The following MYOCOS variants were observed in gnomAD, a reference collection of about 807,000 sequenced individuals.
MYOCOS encodes myocilin opposite strand.
intron 1 of MYOCOS, among the ~76,000 whole-genome samples, chr1:171,605,191 C>T (rs573796918): frequency 3.3e-5 from 5 of 151,862 alleles, no homozygotes; most frequent in South Asian, 2.1e-4. Context: ...ATAAGAAGCC[C>T]GAGAATTAGT....
chr1:171,626,328 CA>C (rs1477542532), intron 2 of MYOCOS, 125 bp from the exon 3 acceptor site: 1 of 387,878 alleles, frequency 2.6e-6, no homozygotes, highest in East Asian at 3.7e-5. Context: ...GTGATCCTTC[CA>C]CCTCAGCCTC....
intron 1 of MYOCOS, among the ~76,000 whole-genome samples, chr1:171,612,855 C>CA (rs1036790025): frequency 4.6e-5 from 7 of 151,954 alleles, no homozygotes; most frequent in Non-Finnish European, 1.0e-4. Flanking sequence ...AAAACAACAA[C>CA]AAAAAACCTA....
At chr1:171,615,922 T>G (rs554704864) in intron 2 of MYOCOS, among the ~76,000 whole-genome samples, 1 of 152,076 alleles carries the variant, frequency 6.6e-6, no homozygotes, top group African/African-American at 2.4e-5. Flanking sequence ...GGGTTGCCAT[T>G]AACAGAAATG....
intron 1 of MYOCOS, among the ~76,000 whole-genome samples, chr1:171,611,893 T>G (rs1034182741): frequency 4.6e-5 from 7 of 152,094 alleles, no homozygotes; most frequent in Admixed American, 2.6e-4. Flanking sequence ...GACTGATGGG[T>G]AAACTGACAT....
chr1:171,604,696 T>G (rs2102931819), intron 1 of MYOCOS, among the ~76,000 whole-genome samples: 1 of 152,306 alleles, frequency 6.6e-6, no homozygotes, highest in Admixed American at 6.5e-5. Flanking sequence ...AGGATGCGGT[T>G]CTCTAGATTA....
upstream of MYOCOS, among the ~76,000 whole-genome samples, chr1:171,617,672 G>A (rs946238087): frequency 3.9e-5 from 6 of 152,200 alleles, no homozygotes; most frequent in African/African-American, 1.4e-4. Flanking sequence ...AGTGAATATA[G>A]ACAAATCTTT....
At chr1:171,600,927 C>A (rs985106670) in exon 1 of MYOCOS, 4 of 152,248 alleles carry the variant, frequency 2.6e-5, no homozygotes, top group African/African-American at 9.6e-5. Context: ...TGCTACATTT[C>A]TTGGTTCCCT....
chr1:171,619,596 C>T (rs1652516874), upstream of MYOCOS, among the ~76,000 whole-genome samples: 1 of 152,190 alleles, frequency 6.6e-6, no homozygotes, highest in South Asian at 2.1e-4. Context: ...TGCTTGTAAT[C>T]CCAACATTTT....
At chr1:171,607,556 A>G (rs994249190) in intron 1 of MYOCOS, among the ~76,000 whole-genome samples, 10 of 151,944 alleles carry the variant, frequency 6.6e-5, no homozygotes, top group African/African-American at 2.4e-4. Flanking sequence ...GTGGTTCTCT[A>G]AAAAAAACGA....
chr1:171,618,716 C>G (rs902832778), upstream of MYOCOS, among the ~76,000 whole-genome samples: 4 of 152,176 alleles, frequency 2.6e-5, no homozygotes, highest in Non-Finnish European at 4.4e-5. Context: ...GCTGGGATTA[C>G]AGGTGTGGGC....
chr1:171,608,504 G>A (rs760588241), intron 1 of MYOCOS, among the ~76,000 whole-genome samples: 7 of 128,520 alleles, frequency 5.4e-5, no homozygotes, highest in South Asian at 2.8e-4. Flanking sequence ...TGCAAGCTCC[G>A]CCTCCCGAGT....
chr1:171,626,282 A>C (rs1340989956), intron 2 of MYOCOS, among the ~76,000 whole-genome samples, 172 bp from the exon 3 acceptor site: 1 of 151,896 alleles, frequency 6.6e-6, no homozygotes, highest in Non-Finnish European at 1.5e-5. Context: ...GGGTCTCCCT[A>C]TGTTGTCCAG....
rs191945773 is a variant in MYOCOS at position 171,612,408 on chromosome 1, C to T, written c.-251-2390C>T. Among the ~76,000 whole-genome samples the T allele has an allele frequency of 8.5e-5, 13 of 152,112 alleles. No homozygotes were observed. In the East Asian group the frequency reaches 2.5e-3, roughly 29 times the overall value. On this transcript the variant is annotated intron_variant, in intron 1 of 3. Transcript: ENST00000636697. ...CCCTCTAGGTTTCTAAGGGTGTCAC[C>T]AATCAGGGTTATTCCTACCCATCAC...
chr1:171,620,882 G>GAGTAGCT (rs1652552982), upstream of MYOCOS, among the ~76,000 whole-genome samples: 1 of 147,372 alleles, frequency 6.8e-6, no homozygotes, highest in Non-Finnish European at 1.5e-5. Flanking sequence ...CGATTCTCCT[G>GAGTAGCT]CCTCAGCCTC....
intron 2 of MYOCOS, among the ~76,000 whole-genome samples, chr1:171,616,225 AAAAC>A (rs141899130): frequency 0.077 from 11,594 of 150,958 alleles, 1,471 homozygotes; most frequent in African/African-American, 0.27. Context: ...CTCAAAACAA[AAAAC>A]AAACAAACAA....
At position 171,614,985 on chromosome 1, in the gene MYOCOS, T is replaced by A. The variant is rs190825803; in HGVS notation, c.-64T>A. 11 of 152,296 alleles carry A rather than the reference T, an allele frequency of 7.2e-5. No homozygotes were observed. In the East Asian group the frequency reaches 1.9e-3, roughly 27 times the overall value. 9.4% of individuals were successfully genotyped at this position (152,296 alleles called of 1,614,324 possible). ...AAGGAACAGTAAGGAGGCCAGATGG[T>A]TGAAACCAGCTGAGAAAAAGGTGAG... On this transcript the variant is annotated 5_prime_UTR_variant, in exon 2 of 4. Coordinates refer to the MYOCOS transcript ENST00000636697.
chr1:171,615,733 A>G (rs1270528089), intron 2 of MYOCOS, among the ~76,000 whole-genome samples: 1 of 152,116 alleles, frequency 6.6e-6, no homozygotes, highest in Admixed American at 6.5e-5. Flanking sequence ...ATCAATCACG[A>G]CCTTTTCATG....
At position 171,625,780 on chromosome 1, in the gene MYOCOS, G is replaced by A. The variant is rs145266017; in HGVS notation, c.96-674G>A. Among the ~76,000 whole-genome samples, 225 of 152,296 alleles carry A rather than the reference G, an allele frequency of 1.5e-3. 1 individual carries two copies. Among genetic ancestry groups the A allele is most frequent in the Admixed American group, 7.0e-3 (107 of 15,302 alleles). On this transcript the variant is annotated intron_variant, in intron 2 of 2. Transcript: ENST00000637642. ...AACGTTTAGACACAGCCTGTCCCAG[G>A]CTGAAATGTACAGAGAGCTGGCCAG...
chr1:171,623,907 C>G lies in MYOCOS; in HGVS notation c.24C>G (p.Asn8Lys), dbSNP rs1269312919. The G allele has an allele frequency of 2.5e-6, 1 of 398,404 alleles. No homozygotes were observed. Among genetic ancestry groups the G allele is most frequent in the African/African-American group, 2.1e-5 (1 of 48,572 alleles). 24.7% of individuals were successfully genotyped at this position (398,404 alleles called of 1,614,324 possible). Residue 8 changes from asparagine to lysine, a missense_variant, in exon 2 of 3, where the codon AAC becomes AAG. Transcript: ENST00000637642. ...CCATGGCTCAGAAAAGCCTTGCAAA[C>G]AACAGCATTAATCTCCCCTACAAGG... MAQKSLA[N>K]NSINLPYKDL... is the part of the protein sequence containing the mutation.
Sources: gnomAD v4.1 joint callset for allele counts (sites outside exome capture counted in the v4.1 genomes callset) on GRCh38, gnomAD v4.1.1 for gene constraint, MANE v1.5 for transcripts, NCBI Gene and HGNC (gene_info 2026-07-23, HGNC 2026-07-21) for gene names.